The following CCSER1 variants were observed in gnomAD, a reference collection of about 807,000 sequenced individuals.
CCSER1 encodes the protein coiled-coil serine rich protein 1.
Under a neutral mutation model 82.0 loss-of-function variants are expected in CCSER1, and 41 were observed. The observed-to-expected ratio is 0.50, with a 90% CI of 0.39 to 0.65. The LOEUF is 0.65. CCSER1 is among the 30% of genes least tolerant of loss of function. CCSER1 has a pLI of 0.00. For missense variants in CCSER1, 1,119 were observed against 1,064.2 expected (o/e 1.05, Z -0.72); for synonymous variants, 414 against 383.9 (o/e 1.08, Z -0.92).
At chr4:91,070,297 A>G (rs1458621232) in intron 9 of CCSER1, among the ~76,000 whole-genome samples, 1 of 152,186 alleles carries the variant, frequency 6.6e-6, no homozygotes, top group Non-Finnish European at 1.5e-5. Flanking sequence ...ATTTTAAAAC[A>G]TTATGTTAAA....
At chr4:90,691,583 TG>T (rs1735925712) in intron 6 of CCSER1, among the ~76,000 whole-genome samples, 1 of 108,708 alleles carries the variant, frequency 9.2e-6, no homozygotes. Context: ...GTATAATGCA[TG>T]TGAATATATC....
chr4:90,214,431 AC>A (rs1350761232), intron 1 of CCSER1, among the ~76,000 whole-genome samples: 1 of 152,196 alleles, frequency 6.6e-6, no homozygotes, highest in African/African-American at 2.4e-5. Flanking sequence ...GCTGGAGAGC[AC>A]CCAGGGAAAC....
At chr4:90,740,272 T>G (rs1195888564) in intron 7 of CCSER1, among the ~76,000 whole-genome samples, 3 of 152,112 alleles carry the variant, frequency 2.0e-5, no homozygotes, top group Admixed American at 2.0e-4. Flanking sequence ...GTGTCAATAT[T>G]TTTTTCTCTT....
chr4:91,004,742 T>C (rs749951912), intron 9 of CCSER1, among the ~76,000 whole-genome samples: 22 of 152,332 alleles, frequency 1.4e-4, no homozygotes, highest in Admixed American at 3.3e-4. Context: ...CTAATATTTC[T>C]CAATTCAATG....
At chr4:91,497,068 C>CA (rs1758962229) in intron 10 of CCSER1, among the ~76,000 whole-genome samples, 3 of 150,734 alleles carry the variant, frequency 2.0e-5, no homozygotes. Flanking sequence ...TTAGGGATAG[C>CA]ATATTATGCT....
In CCSER1 at chr4:90,928,306, G is replaced by A. The variant is rs970257129; in HGVS notation, c.2172+4859G>A. 5.9e-5 allele frequency among the ~76,000 whole-genome samples: 9 copies of A among 152,046 alleles called. No individual in the cohort carries two copies. The East Asian group carries it at 9.6e-4, about 16-fold the overall frequency. Reference sequence around the variant, plus strand: ...GTTTAAAAACATGATTATCTGCCACGGGTGCTTATTAACATGTAATGGAGT... The same window carrying A: ...GTTTAAAAACATGATTATCTGCCACAGGTGCTTATTAACATGTAATGGAGT... On this transcript the variant is annotated intron_variant, in intron 9 of 10. Coordinates refer to ENST00000509176, the MANE Select transcript of CCSER1 (RefSeq NM_001145065.2).
intron 10 of CCSER1, among the ~76,000 whole-genome samples, chr4:91,374,618 A>ATG (rs1189539019): frequency 6.6e-6 from 1 of 152,238 alleles, no homozygotes; most frequent in East Asian, 1.9e-4. Flanking sequence ...AAGAAGATTA[A>ATG]TGTTTTTATG....
At chr4:90,431,773 G>A (rs778403413) in intron 4 of CCSER1, among the ~76,000 whole-genome samples, 2 of 152,126 alleles carry the variant, frequency 1.3e-5, no homozygotes, top group African/African-American at 4.8e-5. Flanking sequence ...AAGAGCATAT[G>A]CTCTTTAAAG....
At chr4:91,010,807 A>G (rs554336071) in intron 9 of CCSER1, among the ~76,000 whole-genome samples, 1 of 134,512 alleles carries the variant, frequency 7.4e-6, no homozygotes, top group Admixed American at 7.4e-5. Flanking sequence ...TCATTCAGAT[A>G]ATGAATTGTT....
Position 90,662,491 on chromosome 4 carries a change from G to A in CCSER1, c.1932+34259G>A, listed in dbSNP as rs571485780. ...ATCTCTAAAATTTTCAAATTATAAT[G>A]TTCTGTGAGTAAATAAAATAATGAA... On this transcript the variant is annotated intron_variant, in intron 6 of 10. Coordinates refer to ENST00000509176, the MANE Select transcript of CCSER1 (RefSeq NM_001145065.2). Among the ~76,000 whole-genome samples, 6 of 152,016 alleles carry A rather than the reference G, an allele frequency of 3.9e-5. No homozygotes were observed. In the South Asian group the frequency reaches 1.2e-3, roughly 32 times the overall value.
intron 7 of CCSER1, among the ~76,000 whole-genome samples, chr4:90,736,293 G>C (rs1745639096): frequency 6.6e-6 from 1 of 152,098 alleles, no homozygotes; most frequent in East Asian, 1.9e-4. Context: ...GTCCAATGCT[G>C]AATGTGGGGT....
intron 9 of CCSER1, among the ~76,000 whole-genome samples, chr4:90,933,132 AGT>A (rs536402295): frequency 0.21 from 14,741 of 69,756 alleles, 1,668 homozygotes; most frequent in East Asian, 0.27. Flanking sequence ...GTTACCTAGA[AGT>A]GTGTGTGTGT....
intron 9 of CCSER1, among the ~76,000 whole-genome samples, chr4:90,971,939 A>G (rs975083437): frequency 3.3e-5 from 5 of 151,944 alleles, no homozygotes; most frequent in Non-Finnish European, 5.9e-5. Context: ...GATGAAATTC[A>G]ACACCTTCTC....
intron 10 of CCSER1, among the ~76,000 whole-genome samples, chr4:91,458,599 A>G (rs1296031727): frequency 6.6e-6 from 1 of 152,116 alleles, no homozygotes; most frequent in Non-Finnish European, 1.5e-5. Flanking sequence ...GAATCTGTAG[A>G]TCACTTTGGG....
intron 10 of CCSER1, among the ~76,000 whole-genome samples, chr4:91,466,484 G>A (rs900280265): frequency 2.0e-5 from 3 of 152,148 alleles, no homozygotes; most frequent in African/African-American, 7.2e-5. Flanking sequence ...ATTCAACATA[G>A]GGTTGGAAGT....
chr4:90,408,682 G>A (rs1354638574), intron 4 of CCSER1, among the ~76,000 whole-genome samples: 1 of 152,114 alleles, frequency 6.6e-6, no homozygotes, highest in African/African-American at 2.4e-5. Flanking sequence ...AAAGATAGGG[G>A]AAAAATAGAA....
At chr4:90,595,507 T>TAGAA (rs3042137) in intron 5 of CCSER1, among the ~76,000 whole-genome samples, 67,749 of 151,372 alleles carry the variant, frequency 0.45, 19,218 homozygotes, top group African/African-American at 0.81. Context: ...TAACTGGGCT[T>TAGAA]AGCTTGTATT....
At position 91,090,580 on chromosome 4, in the gene CCSER1, AG is replaced by A. The variant is rs1477035833; in HGVS notation, c.2217+4589del. 5.9e-5 allele frequency among the ~76,000 whole-genome samples: 9 copies of A among 152,282 alleles called. No individual in the cohort carries two copies. In the East Asian group the frequency reaches 1.7e-3, roughly 29 times the overall value. The stretch of plus-strand genomic sequence containing the variant: ...AGGCTTTTAGAACCCAGAAATTGTC[AG>A]GGTGGTTCTTTTGGGCTGGGAATTC... On this transcript the variant is annotated intron_variant, in intron 10 of 10. Transcript: ENST00000509176.
At chr4:91,337,600 T>C (rs942265192) in intron 10 of CCSER1, among the ~76,000 whole-genome samples, 1 of 152,082 alleles carries the variant, frequency 6.6e-6, no homozygotes, top group African/African-American at 2.4e-5. Flanking sequence ...ACTCATCCTG[T>C]TCCTAGTTCC....
Sources: allele counts gnomAD v4.1 joint callset (sites outside exome capture counted in the v4.1 genomes callset), GRCh38; gene constraint gnomAD v4.1.1; transcripts MANE v1.5; gene names NCBI Gene and HGNC (gene_info 2026-07-23, HGNC 2026-07-21).